The following C18orf54 variants were observed in gnomAD, a reference collection of about 807,000 sequenced individuals.
C18orf54 encodes the protein lung adenoma susceptibility protein 2.
A neutral mutation model predicts 49.3 loss-of-function variants in C18orf54; 49 were observed. The observed-to-expected ratio is 0.99, with a 90% CI of 0.79 to 1.26. The LOEUF (loss-of-function observed/expected upper bound fraction) is 1.26. Ranked by LOEUF, C18orf54 falls within the 50% of genes most tolerant of loss-of-function variation. C18orf54 has a pLI of 0.00. For missense variants in C18orf54, 687 were observed against 620.6 expected (o/e 1.11, Z -1.14); for synonymous variants, 211 against 216.6 (o/e 0.97, Z 0.23).
Position 54,378,314 on chromosome 18 carries a change from T to C in C18orf54, c.*68T>C. The stretch of plus-strand genomic sequence containing the variant: ...AACAAATAGGCATTTTTTCTATTAC[T>C]TAAACTGACAAAGTAAATATAAGCC... On this transcript the variant is annotated 3_prime_UTR_variant, in exon 9 of 9. Coordinates refer to ENST00000620105, the MANE Select transcript of C18orf54 (RefSeq NM_001288980.2). 7.5e-7 allele frequency: 1 copy of C among 1,336,844 alleles called. No individual in the cohort carries two copies. Among genetic ancestry groups the C allele is most frequent in the South Asian group, 1.2e-5 (1 of 81,782 alleles). The allele number at this position is 1,336,844 out of a possible 1,614,324, so 82.8% of individuals were successfully genotyped here.
At chr18:54,365,021 CCTTT>C (rs1445877553) in intron 5 of C18orf54, among the ~76,000 whole-genome samples, 1 of 151,674 alleles carries the variant, frequency 6.6e-6, no homozygotes, top group Non-Finnish European at 1.5e-5. Flanking sequence ...GTGGGGATAC[CCTTT>C]CTTCTACTAC....
intron 7 of C18orf54, 116 bp from the exon 8 acceptor site, chr18:54,374,098 A>G: frequency 1.1e-6 from 1 of 910,360 alleles, no homozygotes; most frequent in South Asian, 2.1e-5. Context: ...TGAAAATTAG[A>G]ATTGTTTGGA....
intron 5 of C18orf54, among the ~76,000 whole-genome samples, chr18:54,364,420 A>T (rs1006168118): frequency 2.0e-5 from 3 of 152,148 alleles, no homozygotes; most frequent in Non-Finnish European, 4.4e-5. Flanking sequence ...AGTACCTTGC[A>T]TATAGTAATT....
intron 5 of C18orf54, 136 bp from the exon 6 acceptor site, chr18:54,365,583 T>G: frequency 2.0e-6 from 1 of 499,800 alleles, no homozygotes; most frequent in African/African-American, 1.9e-5. Context: ...CATACAACAT[T>G]AATATGAATC....
intron 6 of C18orf54, among the ~76,000 whole-genome samples, chr18:54,369,354 A>G (rs2089443033): frequency 6.6e-6 from 1 of 152,016 alleles, no homozygotes; most frequent in South Asian, 2.1e-4. Context: ...TATCTACAGT[A>G]AATTTACTTG....
intron 4 of C18orf54, 60 bp downstream of exon 4, chr18:54,362,491 T>G (rs1387670588): frequency 2.3e-6 from 3 of 1,333,072 alleles, no homozygotes; most frequent in Non-Finnish European, 3.0e-6. Flanking sequence ...CCAAAAGAAG[T>G]GCTGTAAAGT....
intron 8 of C18orf54, 66 bp from the exon 9 acceptor site, chr18:54,378,108 C>G (rs1221685315): frequency 7.6e-6 from 8 of 1,047,228 alleles, no homozygotes; most frequent in Non-Finnish European, 1.1e-5. Context: ...TATTTTTTTG[C>G]TGTCTGCATT....
chr18:54,374,665 A>C lies in C18orf54; in HGVS notation c.1529+381A>C, dbSNP rs949412758. On this transcript the variant is annotated intron_variant, in intron 8 of 8. Coordinates refer to ENST00000620105, the MANE Select transcript of C18orf54 (RefSeq NM_001288980.2). ...TAAATGGATCGTGATTTGGAACATC[A>C]TTACAGAAATCTAAAGTAGATATAA... Among the ~76,000 whole-genome samples, 5 of 152,008 alleles carry C rather than the reference A, an allele frequency of 3.3e-5. No homozygotes were observed. In the South Asian group the frequency reaches 1.0e-3, roughly 31 times the overall value.
At chr18:54,368,776 A>G (rs2089432641) in intron 6 of C18orf54, among the ~76,000 whole-genome samples, 1 of 152,054 alleles carries the variant, frequency 6.6e-6, no homozygotes, top group African/African-American at 2.4e-5. Context: ...TGTGAATCCT[A>G]TCTTTTTTTC....
At chr18:54,371,303 G>A (rs1458630719) in intron 6 of C18orf54, among the ~76,000 whole-genome samples, 1 of 152,146 alleles carries the variant, frequency 6.6e-6, no homozygotes, top group Non-Finnish European at 1.5e-5. Flanking sequence ...CATCTATGTT[G>A]TAGCATTTGT....
intron 8 of C18orf54, among the ~76,000 whole-genome samples, chr18:54,377,199 A>G (rs961701223): frequency 5.7e-4 from 86 of 151,586 alleles, no homozygotes; most frequent in African/African-American, 1.6e-3. Flanking sequence ...CGCCTGGCTA[A>G]TTTTCTGTTG....
At chr18:54,374,136 A>T in intron 7 of C18orf54, 78 bp from the exon 8 acceptor site, 1 of 1,127,622 alleles carries the variant, frequency 8.9e-7, no homozygotes, top group Non-Finnish European at 1.2e-6. Flanking sequence ...TTAATGTTTT[A>T]ATCACATTTT....
intron 4 of C18orf54, 140 bp downstream of exon 4, chr18:54,362,571 T>G: frequency 3.3e-6 from 3 of 899,656 alleles, no homozygotes; most frequent in Non-Finnish European, 4.8e-6. Flanking sequence ...CTTATAATCT[T>G]CACATACAGC....
chr18:54,359,681 A>G (rs1568179041), intron 2 of C18orf54, among the ~76,000 whole-genome samples: 1 of 152,218 alleles, frequency 6.6e-6, no homozygotes, highest in Admixed American at 6.5e-5. Context: ...TTTAATTTTA[A>G]AAAGAATGTC....
rs371866457 is a variant in C18orf54, at chr18:54,360,542, A to G, written c.-31A>G. ...TGTATTACAGTTGTTTTTAAGGGAA[A>G]TGAATAGAAACAATCCACTTTGAAG... is the stretch of plus-strand genomic sequence containing the variant. On this transcript the variant is annotated 5_prime_UTR_variant, in exon 3 of 9. An upstream start codon of the reference 5' UTR is lost. Coordinates refer to ENST00000620105, the MANE Select transcript of C18orf54 (RefSeq NM_001288980.2). 5 of 1,599,586 alleles carry G rather than the reference A, an allele frequency of 3.1e-6. No individual in the cohort carries two copies. In the African/African-American group the frequency reaches 6.7e-5, roughly 22 times the overall value.
intron 2 of C18orf54, among the ~76,000 whole-genome samples, chr18:54,359,128 A>G (rs1296972261): frequency 6.6e-6 from 1 of 152,246 alleles, no homozygotes; most frequent in Admixed American, 6.5e-5. Context: ...GTGAGTTGAA[A>G]TAACTAGTAA....
chr18:54,371,962 T>G (rs4940325), intron 6 of C18orf54, among the ~76,000 whole-genome samples: 112,610 of 151,456 alleles, frequency 0.74, 42,276 homozygotes, highest in African/African-American at 0.86. Flanking sequence ...CACAAATAAG[T>G]CCAGGGGTAA....
chr18:54,372,132 C>T (rs1351468581), intron 6 of C18orf54, among the ~76,000 whole-genome samples: 1 of 151,936 alleles, frequency 6.6e-6, no homozygotes, highest in East Asian at 1.9e-4. Context: ...GTTTACCTGT[C>T]CTCTGAAGAC....
At chr18:54,378,101 T>TTATA (rs113294624) in intron 8 of C18orf54, 73 bp from the exon 9 acceptor site, 1 of 1,138,034 alleles carries the variant, frequency 8.8e-7, no homozygotes, top group Admixed American at 2.5e-5. Context: ...CTTTATTTAT[T>TTATA]TTTTTGCTGT....
Sources: allele counts gnomAD v4.1 joint callset (sites outside exome capture counted in the v4.1 genomes callset), GRCh38; gene constraint gnomAD v4.1.1; transcripts MANE v1.5; gene names NCBI Gene and HGNC (gene_info 2026-07-23, HGNC 2026-07-21).